The following ADCK1 variants were observed in gnomAD, a reference collection of about 807,000 sequenced individuals.
ADCK1 encodes aarF domain containing kinase 1, also known as aarF domain-containing protein kinase 1.
ADCK1 carries 41 observed loss-of-function variants against 52.3 expected under a neutral mutation model. The ratio of observed to expected loss-of-function variants is 0.78; its 90% confidence interval spans 0.61 to 1.02. ADCK1 has a LOEUF of 1.02. ADCK1 is among the 50% of genes least tolerant of loss of function. The pLI is 0.00. For synonymous variants in ADCK1, 250 were observed against 274.6 expected (o/e 0.91, Z 0.89); for missense variants, 658 against 679.5 (o/e 0.97, Z 0.35).
chr14:77,835,878 C>CT (rs36027422), intron 3 of ADCK1, among the ~76,000 whole-genome samples: 18,173 of 152,162 alleles, frequency 0.12, 1,193 homozygotes, highest in Middle Eastern at 0.18. Flanking sequence ...TCAAACATTC[C>CT]CCCTGCTTCG....
At chr14:77,903,790 ATGTG>A (rs1293107171) in intron 6 of ADCK1, among the ~76,000 whole-genome samples, 1 of 152,150 alleles carries the variant, frequency 6.6e-6, no homozygotes, top group Non-Finnish European at 1.5e-5. Flanking sequence ...CCCTGAGGAG[ATGTG>A]CATGCTTTTT....
intron 1 of ADCK1, among the ~76,000 whole-genome samples, chr14:77,816,896 A>ATATATG (rs1418709475): frequency 1.4e-5 from 2 of 145,046 alleles, no homozygotes; most frequent in Non-Finnish European, 3.0e-5. Flanking sequence ...ATATATATAT[A>ATATATG]TATATATTTA....
intron 2 of ADCK1, 66 bp from the exon 3 acceptor site, chr14:77,822,369 G>A: frequency 3.7e-6 from 5 of 1,354,524 alleles, no homozygotes; most frequent in Non-Finnish European, 5.3e-6. Flanking sequence ...GTACTGCAAG[G>A]TTTGGGCAGA....
In ADCK1 at chr14:77,866,518, C is replaced by A. The variant is rs189445172; in HGVS notation, c.423+7239C>A. 2.0e-5 allele frequency among the ~76,000 whole-genome samples: 3 copies of A among 152,290 alleles called. No homozygotes were observed. The East Asian group carries it at 5.8e-4, about 29-fold the overall frequency. Reference sequence around the variant, plus strand: ...GGGGGTTACCTGGGGGGCAGCTCAGCTGGTTAGGGTTAATTGCTGCAGTTT... The same window carrying A: ...GGGGGTTACCTGGGGGGCAGCTCAGATGGTTAGGGTTAATTGCTGCAGTTT... On this transcript the variant is annotated intron_variant, in intron 4 of 10. Coordinates refer to ENST00000238561, the MANE Select transcript of ADCK1 (RefSeq NM_020421.4).
intron 4 of ADCK1, among the ~76,000 whole-genome samples, chr14:77,877,107 T>G (rs980544976): frequency 1.1e-4 from 17 of 152,150 alleles, no homozygotes; most frequent in African/African-American, 4.1e-4. Context: ...CCCAGCTACT[T>G]GGGAGGCTGA....
At chr14:77,868,071 A>C (rs1477239779) in intron 4 of ADCK1, among the ~76,000 whole-genome samples, 1 of 152,222 alleles carries the variant, frequency 6.6e-6, no homozygotes, top group Admixed American at 6.5e-5. Flanking sequence ...CCTGAGGTTT[A>C]ACAAATACTG....
rs2083745162 is a variant in ADCK1 at position 77,909,538 on chromosome 14, T to C, written c.858+1619T>C. Among the ~76,000 whole-genome samples, 3 of 152,276 alleles carry C rather than the reference T, an allele frequency of 2.0e-5. No individual in the cohort carries two copies. The South Asian group carries it at 6.2e-4, about 32-fold the overall frequency. ...GGAGTTGGCCCACAGGAGAAAGCCA[T>C]ACCTTGGCTCAGCAGATGAGCCCAG... On this transcript the variant is annotated intron_variant, in intron 7 of 10. Transcript: ENST00000238561.
intron 3 of ADCK1, among the ~76,000 whole-genome samples, chr14:77,857,028 C>T (rs1178179941): frequency 1.3e-5 from 2 of 152,264 alleles, no homozygotes; most frequent in East Asian, 3.9e-4. Flanking sequence ...GGACAGGCCC[C>T]TGCAGGCCTA....
intron 1 of ADCK1, among the ~76,000 whole-genome samples, chr14:77,802,336 C>T (rs1298287669): frequency 6.6e-6 from 1 of 152,010 alleles, no homozygotes; most frequent in Non-Finnish European, 1.5e-5. Context: ...CTGGCTTTGC[C>T]CTATTCTCCC....
chr14:77,820,343 T>G (rs1055804654), intron 2 of ADCK1, among the ~76,000 whole-genome samples: 1 of 151,884 alleles, frequency 6.6e-6, no homozygotes, highest in Non-Finnish European at 1.5e-5. Flanking sequence ...AAATCTTTAT[T>G]TTTTTGAGAC....
Position 77,933,536 on chromosome 14 carries a change from G to A in ADCK1, c.*145G>A. 1.0e-6 allele frequency: 1 copy of A among 975,328 alleles called. No individual in the cohort carries two copies. Among genetic ancestry groups the A allele is most frequent in the South Asian group, 1.6e-5 (1 of 64,432 alleles). The allele number at this position is 975,328 out of a possible 1,614,324, so 60.4% of individuals were successfully genotyped here. On this transcript the variant is annotated 3_prime_UTR_variant, in exon 11 of 11. Coordinates refer to ENST00000238561, the MANE Select transcript of ADCK1 (RefSeq NM_020421.4). ...ATGTCACCATCCTTCTCCTCCTTTG[G>A]AATCCTCTCCGCACACTGTGGCCCT...
rs1281614273 is a variant in ADCK1, at chr14:77,859,269, TGG to T, written c.415_416del (p.Gly139GlnfsTer5). The T allele has an allele frequency of 1.9e-6, 3 of 1,613,300 alleles. No homozygotes were observed. The Admixed American group carries it at 5.0e-5, about 27-fold the overall frequency. ...ATCCGCCAGGTCATCCGAGAAGATC[TGG>T]GCAAGGAGGTACCCACCTTTGCAGG... On this transcript the variant is annotated frameshift_variant, in exon 4 of 11. Coordinates refer to ENST00000238561, the MANE Select transcript of ADCK1 (RefSeq NM_020421.4). LOFTEE classifies it high-confidence loss of function.
In ADCK1 at chr14:77,839,911, C is replaced by T. The variant is rs149396585; in HGVS notation, c.219+17393C>T. Among the ~76,000 whole-genome samples, 460 of 106,382 alleles carry T rather than the reference C, an allele frequency of 4.3e-3. 3 individuals carry two copies. Among genetic ancestry groups the T allele is most frequent in the African/African-American group, 0.017 (448 of 26,718 alleles). The allele number at this position is 106,382 out of a possible 152,430, so 69.8% of individuals were successfully genotyped here. A position where few individuals can be genotyped will look rare whatever the true frequency, so the allele number is the denominator to read the frequency against. On this transcript the variant is annotated intron_variant, in intron 3 of 10. Coordinates refer to ENST00000238561, the MANE Select transcript of ADCK1 (RefSeq NM_020421.4). ...TCCAGCCTGGGGGACAGAGTGAGACCCTGTCTCAAAAAAAAAAAAAAAAAA... is the reference window on the plus strand; with the variant it reads ...TCCAGCCTGGGGGACAGAGTGAGACTCTGTCTCAAAAAAAAAAAAAAAAAA...
At chr14:77,829,296 T>C (rs1429159432) in intron 3 of ADCK1, among the ~76,000 whole-genome samples, 2 of 8,738 alleles carry the variant, frequency 2.3e-4, no homozygotes, top group Admixed American at 2.6e-3. Context: ...AAAACTAAGA[T>C]TTTTTTTTTT....
intron 3 of ADCK1, among the ~76,000 whole-genome samples, chr14:77,842,419 TC>T (rs960532187): frequency 4.7e-5 from 7 of 149,256 alleles, no homozygotes; most frequent in African/African-American, 1.7e-4. Context: ...AGTGAGGCCT[TC>T]TTCCCTGTAT....
intron 1 of ADCK1, among the ~76,000 whole-genome samples, chr14:77,802,501 A>G (rs1252357933): frequency 6.6e-6 from 1 of 151,714 alleles, no homozygotes; most frequent in Non-Finnish European, 1.5e-5. Context: ...CCCAGGCTGG[A>G]GTGCAGTGGC....
chr14:77,933,296 A>C lies in ADCK1; in HGVS notation c.1477A>C (p.Ile493Leu), dbSNP rs2084382524. Reference protein sequence around the residue: ...SFSEAFNLWQINLHELILRVK... With the variant: ...SFSEAFNLWQLNLHELILRVK... ...CAGCGAGGCCTTCAACTTATGGCAG[A>C]TCAACCTCCATGAGCTCATCCTGCG... is the stretch of plus-strand genomic sequence containing the variant. The change falls in exon 11 of 11, where the codon ATC (isoleucine) becomes CTC (leucine). Residue 493 changes from isoleucine to leucine, a missense_variant. Coordinates refer to ENST00000238561, the MANE Select transcript of ADCK1 (RefSeq NM_020421.4). 6.2e-7 allele frequency: 1 copy of C among 1,614,050 alleles called. No individual in the cohort carries two copies. Among genetic ancestry groups the C allele is most frequent in the Admixed American group, 1.7e-5 (1 of 60,002 alleles).
intron 5 of ADCK1, among the ~76,000 whole-genome samples, chr14:77,895,478 C>G (rs1247344887): frequency 6.6e-6 from 1 of 152,122 alleles, no homozygotes; most frequent in African/African-American, 2.4e-5. Flanking sequence ...GTGGTAGGCA[C>G]TGGTGAAAAC....
chr14:77,890,750 T>C (rs897616544), intron 5 of ADCK1, among the ~76,000 whole-genome samples: 2 of 152,184 alleles, frequency 1.3e-5, no homozygotes, highest in African/African-American at 4.8e-5. Context: ...TGAAAAAGAA[T>C]TGAGACTCAA....
Sources: gnomAD v4.1 joint callset for allele counts (sites outside exome capture counted in the v4.1 genomes callset) on GRCh38, gnomAD v4.1.1 for gene constraint, MANE v1.5 for transcripts, NCBI Gene and HGNC (gene_info 2026-07-23, HGNC 2026-07-21) for gene names.